Variants in SCYL1 observed in about 807,000 individuals in gnomAD.
The protein encoded by SCYL1 is SCY1 like pseudokinase 1.
SCYL1 carries 85 observed loss-of-function variants against 94.8 expected under a neutral mutation model. The ratio of observed to expected loss-of-function variants is 0.90; its 90% CI spans 0.75 to 1.07. SCYL1 has a LOEUF of 1.07. SCYL1 is among the 50% of genes least tolerant of loss of function. SCYL1 has a pLI of 0.00. For missense variants in SCYL1, 968 were observed against 1,083.3 expected (o/e 0.89, Z 1.49); for synonymous variants, 459 against 435.5 (o/e 1.05, Z -0.67).
Position 65,526,764 on chromosome 11 carries a change from C to T in SCYL1, c.603-19C>T, listed in dbSNP as rs749609889. On this transcript the variant is annotated intron_variant, in intron 4 of 17. Transcript: ENST00000270176. This position sits in a 1 kb window ranked among gnomAD's most constrained non-coding sequence, Gnocchi z 4.1. ...CAGGTGGTTGGTGGGGCCCTAAGAG[C>T]TCTGGGTCACTGCCACAGGTCAGCA... 6.2e-7 allele frequency: 1 copy of T among 1,608,084 alleles called. No homozygotes were observed.
At chr11:65,535,816 C>G in intron 10 of SCYL1, 137 bp from the exon 11 acceptor site, 1 of 855,664 alleles carries the variant, frequency 1.2e-6, no homozygotes, top group Non-Finnish European at 1.8e-6. Context: ...GTCAACTCTC[C>G]CCATTTAAGT....
intron 9 of SCYL1, among the ~76,000 whole-genome samples, chr11:65,533,961 T>G (rs939764699): frequency 1.1e-4 from 16 of 152,166 alleles, no homozygotes; most frequent in Admixed American, 3.9e-4. Flanking sequence ...TGGGCCCGGT[T>G]GCTCACACCT....
rs1394010641 is a variant in SCYL1 at position 65,536,762 on chromosome 11, G to A, written c.1816+12G>A. ...ACCCACGCCTGAAGGTGAGTGTCCT[G>A]GCCTAGCTGCATCAGTGGCTGAGAG... On this transcript the variant is annotated intron_variant, in intron 13 of 17. Coordinates refer to ENST00000270176, the MANE Select transcript of SCYL1 (RefSeq NM_020680.4). The A allele has an allele frequency of 6.3e-7, 1 of 1,587,826 alleles. No homozygotes were observed. Among genetic ancestry groups the A allele is most frequent in the East Asian group, 2.3e-5 (1 of 44,416 alleles).
rs1224057842 is a variant in SCYL1 at position 65,538,459 on chromosome 11, C to G, written c.2320C>G (p.Leu774Val). ...GACGCCAGGACAGGTCAAGGCTGAG[C>G]TGGCCCGGAAGAAGCGCGAGGAGCG... The part of the protein sequence containing the change: ...ETDSRQVKAE[L>V]ARKKREERRR... The change falls in exon 18 of 18, where the codon CTG becomes GTG. Residue 774 changes from leucine to valine, a missense_variant. Coordinates refer to ENST00000270176, the MANE Select transcript of SCYL1 (RefSeq NM_020680.4). 1 of 1,567,558 alleles carries G rather than the reference C, an allele frequency of 6.4e-7. No homozygotes were observed. The highest frequency in any genetic ancestry group is 1.2e-5 in the South Asian group (1 of 85,696).
In SCYL1 at chr11:65,538,585, C is replaced by G. The variant is rs1464622540; in HGVS notation, c.*19C>G. The G allele has an allele frequency of 6.2e-7, 1 of 1,605,140 alleles. No individual in the cohort carries two copies. Among genetic ancestry groups the G allele is most frequent in the Admixed American group, 1.7e-5 (1 of 59,628 alleles). Reference sequence around the variant, plus strand: ...GGACTGAACCGTGGCGGTGGCCCTTCCCGGCTGCGGAGAGCCCGCCCCACA... The same window carrying G: ...GGACTGAACCGTGGCGGTGGCCCTTGCCGGCTGCGGAGAGCCCGCCCCACA... On this transcript the variant is annotated 3_prime_UTR_variant, in exon 18 of 18. Coordinates refer to ENST00000270176, the MANE Select transcript of SCYL1 (RefSeq NM_020680.4).
intron 13 of SCYL1, 28 bp downstream of exon 13, chr11:65,536,778 TGGCTGAGAG>T (rs755840005): frequency 2.5e-6 from 4 of 1,575,638 alleles, no homozygotes; most frequent in Non-Finnish European, 3.5e-6. Flanking sequence ...GCTGCATCAG[TGGCTGAGAG>T]GGCTGAGAGC....
rs752433107 is a variant in SCYL1, at chr11:65,537,969, C to T, written c.2034C>T (p.Val678=). ...TGGQVSRASQ[V]SNSDHKSSKS... ...TTCCCCCTCCCGCTCTTCTACAGGT[C>T]AGCAACTCCGACCACAAATCCTCCA... The change falls in exon 16 of 18, where the codon GTC becomes GTT. Residue 678 remains valine, a splice_region_variant and synonymous_variant. Transcript: ENST00000270176. 8.7e-6 allele frequency: 14 copies of T among 1,609,742 alleles called. No individual in the cohort carries two copies. Among genetic ancestry groups the T allele is most frequent in the Middle Eastern group, 3.3e-4 (2 of 6,052 alleles).
intron 9 of SCYL1, 88 bp downstream of exon 9, chr11:65,532,893 C>A: frequency 3.1e-6 from 3 of 978,420 alleles, no homozygotes; most frequent in Non-Finnish European, 4.8e-6. Context: ...TGGCTTTGGC[C>A]CATGGGTCCA....
intron 13 of SCYL1, 87 bp from the exon 14 acceptor site, chr11:65,536,899 C>T (rs539303881): frequency 1.6e-6 from 2 of 1,254,806 alleles, no homozygotes; most frequent in African/African-American, 1.5e-5. Flanking sequence ...TCCTTGGTGC[C>T]CCTTCCCCCC....
Position 65,535,230 on chromosome 11 carries a change from A to G in SCYL1, c.1234A>G (p.Met412Val), listed in dbSNP as rs755734478. ...CCCACTCATTTCTGCCCCACAGTCC[A>G]TGCTGCTCCTGGCCCCAAAGCTGAA... is the stretch of plus-strand genomic sequence containing the variant. ...PAIREQTVKSMLLLAPKLNEA... is the reference protein window; with the variant it reads ...PAIREQTVKSVLLLAPKLNEA... Residue 412 changes from methionine (M) to valine (V), a missense_variant, in exon 10 of 18, where the codon ATG (methionine) becomes GTG (valine). Met to Val is a conservative substitution (Grantham distance 21, BLOSUM62 1). This residue lies in a region of SCYL1 where 494 missense variants were observed against 619.7 expected (regional missense o/e 0.80). Coordinates refer to ENST00000270176, the MANE Select transcript of SCYL1 (RefSeq NM_020680.4). The G allele has an allele frequency of 7.4e-6, 12 of 1,614,004 alleles. No homozygotes were observed. The South Asian group carries it at 8.8e-5, about 12-fold the overall frequency.
At chr11:65,527,269 C>T (rs1308331808) in intron 6 of SCYL1, 152 bp downstream of exon 6, 1 of 800,600 alleles carries the variant, frequency 1.2e-6, no homozygotes, top group African/African-American at 1.7e-5. Flanking sequence ...CCAGCTCATA[C>T]TTACTCTGTG....
At position 65,536,431 on chromosome 11, in the gene SCYL1, G is replaced by T. The variant is rs968028891; in HGVS notation, c.1651+97G>T. The T allele has an allele frequency of 2.1e-6, 3 of 1,453,126 alleles. No individual in the cohort carries two copies. The African/African-American group carries it at 4.2e-5, about 20-fold the overall frequency. 90.0% of individuals were successfully genotyped at this position (1,453,126 alleles called of 1,614,324 possible). A position where few individuals can be genotyped will look rare whatever the true frequency, so the allele number is the denominator to read the frequency against. ...CCACTGGAGTTTCTGAAAGGTCCTA[G>T]TGAGCAGACTTGACTCAGCTCCCCC... On this transcript the variant is annotated intron_variant, in intron 12 of 17. Coordinates refer to ENST00000270176, the MANE Select transcript of SCYL1 (RefSeq NM_020680.4).
In SCYL1 at chr11:65,525,959, C is replaced by T. The variant is rs1025699182; in HGVS notation, c.291C>T (p.Thr97=). 6.2e-7 allele frequency: 1 copy of T among 1,613,620 alleles called. No homozygotes were observed. The highest frequency in any genetic ancestry group is 8.5e-7 in the Non-Finnish European group (1 of 1,179,968). The change falls in exon 3 of 18, where the codon ACC becomes ACT. Residue 97 remains threonine, a synonymous_variant. Transcript: ENST00000270176. ...TCCACGTCGTGACAGAGGCTGTGAC[C>T]CCGTTGGGAATATACCTCAAGGCGA... The part of the protein sequence containing the change: ...KCLHVVTEAV[T]PLGIYLKARV...
chr11:65,529,099 G>A (rs550276317), intron 6 of SCYL1, among the ~76,000 whole-genome samples: 85 of 152,304 alleles, frequency 5.6e-4, no homozygotes, highest in Admixed American at 1.6e-3. Context: ...GGAAGACAGC[G>A]GGGGCTGAGA....
chr11:65,534,434 C>T (rs1486755444), intron 9 of SCYL1, among the ~76,000 whole-genome samples: 2 of 152,110 alleles, frequency 1.3e-5, no homozygotes, highest in Non-Finnish European at 2.9e-5. Flanking sequence ...GATACGGAGA[C>T]GAGAGTGGCT....
Position 65,538,020 on chromosome 11 carries a change from C to T in SCYL1, c.2085C>T (p.Ser695=). 1 of 1,612,962 alleles carries T rather than the reference C, an allele frequency of 6.2e-7. No homozygotes were observed. The highest frequency in any genetic ancestry group is 2.2e-5 in the East Asian group (1 of 44,830). ...AATCCCCAGAGTCCGACTGGAGCAG[C>T]TGGGAAGCTGAGGGCTCCTGGGAAC... ...SSKSPESDWS[S]WEAEGSWEQG... Residue 695 remains serine, a synonymous_variant, in exon 16 of 18, where the codon AGC becomes AGT. Coordinates refer to ENST00000270176, the MANE Select transcript of SCYL1 (RefSeq NM_020680.4).
In SCYL1 at chr11:65,525,160, T is replaced by G; in HGVS notation, c.7T>G (p.Phe3Val). 7.3e-7 allele frequency: 1 copy of G among 1,367,550 alleles called. No individual in the cohort carries two copies. The highest frequency in any genetic ancestry group is 9.5e-7 in the Non-Finnish European group (1 of 1,051,428). 84.7% of individuals were successfully genotyped at this position (1,367,550 alleles called of 1,614,324 possible). A position where few individuals can be genotyped will look rare whatever the true frequency, so the allele number is the denominator to read the frequency against. Residue 3 changes from phenylalanine to valine, a missense_variant, in exon 1 of 18, where the codon TTC becomes GTC. Phe to Val is a conservative substitution (Grantham distance 50). This residue lies in a region of SCYL1 where 494 missense variants were observed against 619.7 expected (regional missense o/e 0.80). Transcript: ENST00000270176. MWFFARDPVRDFP... is the reference protein window; with the variant it reads MWVFARDPVRDFP... ...CGCGGCGGCGGTGGGGACGATGTGG[T>G]TCTTTGCCCGGGACCCGGTCCGGGA...
At chr11:65,535,652 T>C (rs1377878802) in intron 10 of SCYL1, 1 of 589,610 alleles carries the variant, frequency 1.7e-6, no homozygotes, top group Non-Finnish European at 3.0e-6. Context: ...TTGCTTGCCG[T>C]GCCCAGACAG....
chr11:65,536,524 G>A lies in SCYL1; in HGVS notation c.1652-62G>A. The A allele has an allele frequency of 2.5e-6, 4 of 1,578,806 alleles. No individual in the cohort carries two copies. In the South Asian group the frequency reaches 3.3e-5, roughly 13 times the overall value. On this transcript the variant is annotated intron_variant, in intron 12 of 17. Coordinates refer to ENST00000270176, the MANE Select transcript of SCYL1 (RefSeq NM_020680.4). ...CTGCAGGGCACTGTCAGTTCCTGCT[G>A]TCCTGTCACCCATGGGTGCCTGACG...
Sources: gnomAD v4.1 joint callset for allele counts (sites outside exome capture counted in the v4.1 genomes callset) on GRCh38, gnomAD v4.1.1 for gene constraint, gnomAD v4.1.1 regional missense constraint, Gnocchi (gnomAD v3.1) non-coding constraint, MANE v1.5 for transcripts, NCBI Gene and HGNC (gene_info 2026-07-23, HGNC 2026-07-21) for gene names.